The following AVEN variants were observed in gnomAD, a reference collection of about 807,000 sequenced individuals.
The protein encoded by AVEN is cell death regulator Aven.
AVEN carries 41 observed loss-of-function variants against 38.1 expected under a neutral mutation model. The ratio of observed to expected loss-of-function variants is 1.08; its 90% CI spans 0.84 to 1.40. AVEN has a LOEUF of 1.40. Ranked by LOEUF, AVEN falls within the 40% of genes most tolerant of loss-of-function variation. The probability of loss-of-function intolerance (pLI) is 0.00; values close to 1 mark genes in which losing one functional copy is unlikely to be tolerated. For missense variants in AVEN, 605 were observed against 438.8 expected, an observed-to-expected ratio of 1.38 and a Z score of -3.38; for synonymous variants, 206 against 171.8, an observed-to-expected ratio of 1.20 and a Z score of -1.56.
intron 2 of AVEN, among the ~76,000 whole-genome samples, chr15:33,984,740 A>G (rs1051249471): frequency 6.6e-6 from 1 of 152,118 alleles, no homozygotes; most frequent in Non-Finnish European, 1.5e-5. Flanking sequence ...CTTTTCATTG[A>G]AGAACAAACA....
rs1270638489 is a variant in AVEN at position 33,918,369 on chromosome 15, CTTAT to C, written c.446-42378_446-42375del. ...CCTAGCCATAGTTTTCTAAATCTTG[CTTAT>C]TTAGTTGAACATCGCTATAATTTGT... On this transcript the variant is annotated intron_variant, in intron 2 of 5. Coordinates refer to ENST00000306730, the MANE Select transcript of AVEN (RefSeq NM_020371.3). 4.7e-5 allele frequency among the ~76,000 whole-genome samples: 7 copies of C among 149,814 alleles called. No individual in the cohort carries two copies. The East Asian group carries it at 9.9e-4, about 21-fold the overall frequency.
At chr15:34,042,400 T>G (rs1460759033), upstream of AVEN, among the ~76,000 whole-genome samples, 6 of 148,828 alleles carry the variant, frequency 4.0e-5, no homozygotes, top group Non-Finnish European at 1.5e-5. Flanking sequence ...ACCTAAGTTT[T>G]TTTTTTTTTT....
At chr15:33,860,060 G>C (rs2080169984) in intron 11 of AVEN, among the ~76,000 whole-genome samples, 1 of 152,152 alleles carries the variant, frequency 6.6e-6, no homozygotes, top group Non-Finnish European at 1.5e-5. Context: ...CAGAGAGGGA[G>C]GTAGGGTAGG....
At chr15:34,006,899 T>C (rs1311955599) in intron 1 of AVEN, 1 of 229,356 alleles carries the variant, frequency 4.4e-6, no homozygotes, top group Non-Finnish European at 7.2e-6. Context: ...AAAATAAAAA[T>C]ATGCAAAGCC....
intron 2 of AVEN, among the ~76,000 whole-genome samples, chr15:33,934,318 C>G (rs191409050): frequency 5.9e-5 from 9 of 152,244 alleles, no homozygotes; most frequent in African/African-American, 2.2e-4. Context: ...TATGAATATG[C>G]CACTGTACTC....
Position 33,974,953 on chromosome 15 carries a change from C to T in AVEN, c.445+28079G>A, listed in dbSNP as rs193010948. Among the ~76,000 whole-genome samples, 691 of 152,264 alleles carry T rather than the reference C, an allele frequency of 4.5e-3. 2 individuals carry two copies. Among genetic ancestry groups the T allele is most frequent in the Non-Finnish European group, 6.9e-3 (469 of 68,032 alleles). On this transcript the variant is annotated intron_variant, in intron 2 of 5. Coordinates refer to ENST00000306730, the MANE Select transcript of AVEN (RefSeq NM_020371.3). The stretch of plus-strand genomic sequence containing the variant: ...CACCATTACGCTCCAGCCTGAGCAA[C>T]AAGGGCGAAACTCTATCCTGAAGGA...
At chr15:34,067,625 C>T (rs757767261) in intron 2 of AVEN, among the ~76,000 whole-genome samples, 5 of 152,116 alleles carry the variant, frequency 3.3e-5, no homozygotes, top group Non-Finnish European at 7.4e-5. Context: ...TTTGTGATTC[C>T]TCCTTCCCTC....
chr15:34,075,005 T>C (rs1597400421), exon 1 of AVEN, among the ~76,000 whole-genome samples: 1 of 151,628 alleles, frequency 6.6e-6, no homozygotes, highest in Non-Finnish European at 1.5e-5. Context: ...GGTGAAACCT[T>C]GTCTCTACTA....
chr15:33,894,296 C>T (rs1005531357), intron 2 of AVEN, among the ~76,000 whole-genome samples: 1 of 151,918 alleles, frequency 6.6e-6, no homozygotes, highest in African/African-American at 2.4e-5. Flanking sequence ...AAGTGCAGAA[C>T]CAGGAAGGAG....
chr15:34,070,952 G>A (rs1408525723), intron 1 of AVEN, among the ~76,000 whole-genome samples: 1 of 152,150 alleles, frequency 6.6e-6, no homozygotes, highest in Non-Finnish European at 1.5e-5. Flanking sequence ...GTCTAACTCT[G>A]CTCACTGGGC....
rs181134877 is a variant in AVEN at position 34,008,153 on chromosome 15, G to T, written c.268-4944C>A. Among the ~76,000 whole-genome samples the T allele has an allele frequency of 1.4e-4, 22 of 152,216 alleles. 1 individual carries two copies. On this transcript the variant is annotated intron_variant, in intron 1 of 5. Coordinates refer to ENST00000306730, the MANE Select transcript of AVEN (RefSeq NM_020371.3). ...AATAATGGGTGGGCCTGGCACCATG[G>T]CTCACTTCTGTAATCCCAGCACTTT...
At chr15:34,042,982 T>C (rs952874966), upstream of AVEN, among the ~76,000 whole-genome samples, 2 of 151,830 alleles carry the variant, frequency 1.3e-5, no homozygotes, top group African/African-American at 4.8e-5. Flanking sequence ...GCGCGGTGGC[T>C]CACGCCTGTA....
At chr15:33,940,619 GC>G (rs1279641986) in intron 2 of AVEN, among the ~76,000 whole-genome samples, 1 of 151,946 alleles carries the variant, frequency 6.6e-6, no homozygotes, top group Non-Finnish European at 1.5e-5. Context: ...TCAGCTCACT[GC>G]AACCTCCGCC....
At position 34,063,896 on chromosome 15, in the gene AVEN, C is replaced by T. The variant is rs1470190113; in HGVS notation, n.1127-464G>A. On this transcript the variant is annotated intron_variant and non_coding_transcript_variant, in intron 4 of 11. Coordinates refer to the AVEN transcript ENST00000675287. This position sits in a 1 kb window ranked among gnomAD's most constrained non-coding sequence, Gnocchi z 4.1. ...TAAAAGCTGACGGGAACCAGGAGACCAACAATGGCTGTCACAAGGTGAAAA... is the reference window on the plus strand; with the variant it reads ...TAAAAGCTGACGGGAACCAGGAGACTAACAATGGCTGTCACAAGGTGAAAA... 8 of 1,614,038 alleles carry T rather than the reference C, an allele frequency of 5.0e-6. No individual in the cohort carries two copies. Among genetic ancestry groups the T allele is most frequent in the Non-Finnish European group, 5.9e-6 (7 of 1,180,036 alleles).
At chr15:33,898,212 GACTCAGTC>G (rs1203296996) in intron 2 of AVEN, among the ~76,000 whole-genome samples, 1 of 152,114 alleles carries the variant, frequency 6.6e-6, no homozygotes, top group Non-Finnish European at 1.5e-5. Flanking sequence ...ACAGCTGAAT[GACTCAGTC>G]ACTGCTAAGG....
At chr15:34,005,850 C>T (rs1567462050) in intron 1 of AVEN, among the ~76,000 whole-genome samples, 2 of 152,168 alleles carry the variant, frequency 1.3e-5, no homozygotes. Context: ...TCATAAGCCT[C>T]CCTGTCAAAA....
chr15:34,045,702 A>T (rs1016500669), intron 5 of AVEN, among the ~76,000 whole-genome samples: 1 of 141,376 alleles, frequency 7.1e-6, no homozygotes, highest in Non-Finnish European at 1.5e-5. Context: ...AGCTTCTCAT[A>T]AAAAAAAAAA....
chr15:34,043,256 A>T (rs1295640019), upstream of AVEN, among the ~76,000 whole-genome samples: 1 of 151,990 alleles, frequency 6.6e-6, no homozygotes, highest in Non-Finnish European at 1.5e-5. Context: ...CAAAAAAAAA[A>T]AAAAGACTAT....
rs185554697 is a variant in AVEN at position 33,919,365 on chromosome 15, C to A, written c.446-43370G>T. 1.8e-3 allele frequency among the ~76,000 whole-genome samples: 269 copies of A among 152,230 alleles called. 2 individuals carry two copies. The highest frequency in any genetic ancestry group is 6.2e-3 in the African/African-American group (257 of 41,542). On this transcript the variant is annotated intron_variant, in intron 2 of 5. Transcript: ENST00000306730. ...TGTTATACAGCAAAGGGAAATCTAG[C>A]AAGGCAATTCTAACTTTAGAAAGAC...
Sources: allele counts gnomAD v4.1 joint callset (sites outside exome capture counted in the v4.1 genomes callset), GRCh38; gene constraint gnomAD v4.1.1; non-coding constraint Gnocchi (gnomAD v3.1); transcripts MANE v1.5; gene names NCBI Gene and HGNC (gene_info 2026-07-23, HGNC 2026-07-21).